The following TMPRSS11A variants were observed in gnomAD, a reference collection of about 807,000 sequenced individuals.
TMPRSS11A encodes transmembrane serine protease 11A, also known as transmembrane protease serine 11A.
In TMPRSS11A, 53 loss-of-function variants were observed where a neutral mutation model predicts 58.9. That is an observed-to-expected ratio of 0.90 (90% confidence interval 0.72 to 1.13). The LOEUF is 1.13. Ranked by LOEUF, TMPRSS11A falls within the 50% of genes most tolerant of loss-of-function variation. The probability of loss-of-function intolerance (pLI) is 0.00; values close to 1 mark genes in which losing one functional copy is unlikely to be tolerated. For synonymous variants in TMPRSS11A, 167 were observed against 169.8 expected (o/e 0.98, Z 0.13); for missense variants, 493 against 499.3 (o/e 0.99, Z 0.12).
At chr4:67,940,271 C>T (rs773795800) in intron 3 of TMPRSS11A, among the ~76,000 whole-genome samples, 5 of 152,060 alleles carry the variant, frequency 3.3e-5, no homozygotes, top group Non-Finnish European at 7.4e-5. Context: ...GAAGAAGTCT[C>T]TTCTCAATTC....
At chr4:67,958,861 G>A (rs141726368) in intron 1 of TMPRSS11A, among the ~76,000 whole-genome samples, 50 of 152,278 alleles carry the variant, frequency 3.3e-4, no homozygotes, top group African/African-American at 1.2e-3. Context: ...AATCATGAAG[G>A]CAGATCTTTC....
chr4:67,913,353 G>A (rs1010547053), intron 9 of TMPRSS11A, among the ~76,000 whole-genome samples: 1 of 152,104 alleles, frequency 6.6e-6, no homozygotes, highest in African/African-American at 2.4e-5. Context: ...TATCAGACTA[G>A]GCCCCTCACC....
intron 1 of TMPRSS11A, among the ~76,000 whole-genome samples, chr4:67,949,258 T>A (rs1470737403): frequency 6.6e-6 from 1 of 150,834 alleles, no homozygotes; most frequent in Non-Finnish European, 1.5e-5. Flanking sequence ...AACCGTGGGA[T>A]CAGAGCTGAA....
At chr4:67,943,581 A>G (rs1720931417) in intron 3 of TMPRSS11A, among the ~76,000 whole-genome samples, 1 of 152,172 alleles carries the variant, frequency 6.6e-6, no homozygotes, top group African/African-American at 2.4e-5. Flanking sequence ...CTTTTATAAG[A>G]TGCTCTGCAT....
intron 7 of TMPRSS11A, among the ~76,000 whole-genome samples, chr4:67,920,551 T>TATATATATATATATATATATATA (rs58054364): frequency 1.4e-4 from 11 of 80,064 alleles, no homozygotes; most frequent in African/African-American, 4.6e-4. Context: ...ATATATATAT[T>TATATATATATATATATATATATA]TTTTTTTATA....
chr4:67,911,469 A>G lies in TMPRSS11A; in HGVS notation c.1130T>C (p.Leu377Pro). 6.2e-7 allele frequency: 1 copy of G among 1,613,364 alleles called. No homozygotes were observed. Among genetic ancestry groups the G allele is most frequent in the Non-Finnish European group, 8.5e-7 (1 of 1,179,506 alleles). The change falls in exon 10 of 10, where the codon CTG becomes CCG. Residue 377 changes from leucine to proline, a missense_variant. Coordinates refer to ENST00000508048, the MANE Select transcript of TMPRSS11A (RefSeq NM_001114387.2). The stretch of plus-strand genomic sequence containing the variant: ...TCCAATGAGATACCACGTATCTTTC[A>G]GATCCCTTGTGACTAAAGGTCCCCC... ...DSGGPLVTRDLKDTWYLIGIV... is the reference protein window; with the variant it reads ...DSGGPLVTRDPKDTWYLIGIV...
chr4:67,961,514 T>C lies in TMPRSS11A; in HGVS notation c.11+1869A>G, dbSNP rs866303200. ...TTTTTTTTTTTTTTTTTTTTTTTTT[T>C]TTTTTTTTTTTTTTTGAGACAGAGT... On this transcript the variant is annotated intron_variant, in intron 1 of 9. Coordinates refer to ENST00000508048, the MANE Select transcript of TMPRSS11A (RefSeq NM_001114387.2). Among the ~76,000 whole-genome samples, 16 of 17,604 alleles carry C rather than the reference T, an allele frequency of 9.1e-4. 2 individuals carry two copies. Among genetic ancestry groups the C allele is most frequent in the Admixed American group, 6.9e-3 (9 of 1,296 alleles). The allele number at this position is 17,604 out of a possible 152,430, so 11.5% of individuals were successfully genotyped here.
chr4:67,920,786 C>A (rs745882562), intron 7 of TMPRSS11A, among the ~76,000 whole-genome samples: 7 of 151,718 alleles, frequency 4.6e-5, no homozygotes, highest in Non-Finnish European at 1.0e-4. Context: ...TAGCACTCTT[C>A]GGTATAGCAA....
At chr4:67,963,178 T>C (rs1381157657) in intron 1 of TMPRSS11A, among the ~76,000 whole-genome samples, 1 of 152,210 alleles carries the variant, frequency 6.6e-6, no homozygotes, top group African/African-American at 2.4e-5. Context: ...GAAATAATGC[T>C]AACAATTTTT....
At chr4:67,961,892 C>T (rs1440809592) in intron 1 of TMPRSS11A, among the ~76,000 whole-genome samples, 1 of 152,046 alleles carries the variant, frequency 6.6e-6, no homozygotes, top group Non-Finnish European at 1.5e-5. Context: ...ATTTACATCC[C>T]TAAGCTGCAA....
At chr4:67,914,901 G>T (rs80037992) in intron 8 of TMPRSS11A, among the ~76,000 whole-genome samples, 171 bp from the exon 9 acceptor site, 1 of 152,008 alleles carries the variant, frequency 6.6e-6, no homozygotes, top group Non-Finnish European at 1.5e-5. Context: ...CACATCTAAC[G>T]ATAATTATTG....
chr4:67,927,153 C>CTCAG (rs1278511507), intron 5 of TMPRSS11A, among the ~76,000 whole-genome samples: 2 of 152,194 alleles, frequency 1.3e-5, no homozygotes, highest in Non-Finnish European at 2.9e-5. Context: ...AGGACAAGAA[C>CTCAG]TCAGGACCTG....
chr4:67,915,602 G>C (rs985342405), intron 8 of TMPRSS11A, among the ~76,000 whole-genome samples: 1 of 152,186 alleles, frequency 6.6e-6, no homozygotes, highest in Non-Finnish European at 1.5e-5. Context: ...GATTATCAAA[G>C]GTGGGCCTGA....
At chr4:67,944,320 CA>C (rs1246419853) in intron 3 of TMPRSS11A, among the ~76,000 whole-genome samples, 198 bp downstream of exon 3, 2 of 152,066 alleles carry the variant, frequency 1.3e-5, no homozygotes, top group Non-Finnish European at 2.9e-5. Flanking sequence ...GTTAGACATG[CA>C]GATTCCCTTA....
In TMPRSS11A at chr4:67,946,575, A is replaced by C; in HGVS notation, c.12-4T>G. ...TCGGGTGCCAAATCCCACTGTCCTG[A>C]GAAAAGGAAGGGCCCACTGGTTACT... On this transcript the variant is annotated splice_polypyrimidine_tract_variant and splice_region_variant and intron_variant, in intron 1 of 9. Transcript: ENST00000508048. 6.2e-7 allele frequency: 1 copy of C among 1,607,636 alleles called. No homozygotes were observed. Among genetic ancestry groups the C allele is most frequent in the Non-Finnish European group, 8.5e-7 (1 of 1,177,222 alleles).
At chr4:67,928,700 G>T in intron 5 of TMPRSS11A, among the ~76,000 whole-genome samples, 1 of 152,192 alleles carries the variant, frequency 6.6e-6, no homozygotes, top group East Asian at 1.9e-4. Flanking sequence ...CTAAGTAGCT[G>T]ACTCGTTCTC....
chr4:67,933,012 C>CTACA (rs1208073955), intron 3 of TMPRSS11A, among the ~76,000 whole-genome samples: 1 of 151,858 alleles, frequency 6.6e-6, no homozygotes, highest in African/African-American at 2.4e-5. Flanking sequence ...GGGTAAGGTA[C>CTACA]TACAGTTCAT....
intron 8 of TMPRSS11A, among the ~76,000 whole-genome samples, chr4:67,918,259 C>T (rs540579428): frequency 6.6e-6 from 1 of 152,188 alleles, no homozygotes; most frequent in African/African-American, 2.4e-5. Context: ...GAATCCAGAG[C>T]GTGTCTCACT....
intron 7 of TMPRSS11A, among the ~76,000 whole-genome samples, chr4:67,920,551 T>TATATATATATATATATA (rs58054364): frequency 1.1e-4 from 9 of 80,068 alleles, no homozygotes; most frequent in South Asian, 1.1e-3. Context: ...ATATATATAT[T>TATATATATATATATATA]TTTTTTTATA....
Sources: gnomAD v4.1 joint callset for allele counts (sites outside exome capture counted in the v4.1 genomes callset) on GRCh38, gnomAD v4.1.1 for gene constraint, MANE v1.5 for transcripts, NCBI Gene and HGNC (gene_info 2026-07-23, HGNC 2026-07-21) for gene names.